The following SRGAP2 variants were observed in gnomAD, a reference collection of about 807,000 sequenced individuals.
SRGAP2 encodes the protein SLIT-ROBO Rho GTPase-activating protein 2.
A neutral mutation model predicts 57.2 loss-of-function variants in SRGAP2; 15 were observed. The ratio of observed to expected loss-of-function variants is 0.26; its 90% CI spans 0.18 to 0.40. The LOEUF is 0.40. Among genes scored for constraint, SRGAP2 ranks in the 10% least tolerant of loss-of-function variants. SRGAP2 has a pLI of 1.00. For synonymous variants in SRGAP2, 249 were observed against 248.0 expected (o/e 1.00, Z -0.04); for missense variants, 520 against 669.6 (o/e 0.78, Z 2.47).
chr1:206,454,811 T>C lies in SRGAP2; in HGVS notation c.2361-67T>C, dbSNP rs1663679358. On this transcript the variant is annotated intron_variant, in intron 20 of 22. Coordinates refer to ENST00000573034, the MANE Select transcript of SRGAP2 (RefSeq NM_015326.5). This position sits in a 1 kb window ranked among gnomAD's most constrained non-coding sequence, Gnocchi z 4.3. Reference sequence around the variant, plus strand: ...GTATGTCGGGGGGCCATCTTGCCGATTTAACGCTGCTTTTTGTGTTGTTGT... The same window carrying C: ...GTATGTCGGGGGGCCATCTTGCCGACTTAACGCTGCTTTTTGTGTTGTTGT... 2 of 697,208 alleles carry C rather than the reference T, an allele frequency of 2.9e-6. No homozygotes were observed. Among genetic ancestry groups the C allele is most frequent in the East Asian group, 5.0e-5 (2 of 40,368 alleles). 43.2% of individuals were successfully genotyped at this position (697,208 alleles called of 1,614,324 possible). A position where few individuals can be genotyped will look rare whatever the true frequency, so the allele number is the denominator to read the frequency against.
chr1:206,333,216 C>T (rs1674507568), intron 3 of SRGAP2: 1 of 606,106 alleles, frequency 1.6e-6, no homozygotes, highest in African/African-American at 1.9e-5. Context: ...CTTCAAAGCT[C>T]AGATGGAAAT....
intron 8 of SRGAP2, among the ~76,000 whole-genome samples, chr1:206,402,581 G>A (rs1658290342): frequency 6.6e-6 from 1 of 152,208 alleles, no homozygotes; most frequent in African/African-American, 2.4e-5. Context: ...TTTAGGAGGA[G>A]GAATTTTACC....
Position 206,222,332 on chromosome 1 carries a change from C to CT in SRGAP2, c.67+16304dup, listed in dbSNP as rs562298155. On this transcript the variant is annotated intron_variant, in intron 2 of 22. Coordinates refer to ENST00000573034, the MANE Select transcript of SRGAP2 (RefSeq NM_015326.5). ...TAGCATGTAGCTTTTTAGGATTGGCCTTTTTTTTTCACTGAGCACAAGTCT... is the reference window on the plus strand; with the variant it reads ...TAGCATGTAGCTTTTTAGGATTGGCCTTTTTTTTTTCACTGAGCACAAGTCT... Among the ~76,000 whole-genome samples, 885 of 149,488 alleles carry CT rather than the reference C, an allele frequency of 5.9e-3. 6 individuals carry two copies. Among genetic ancestry groups the CT allele is most frequent in the African/African-American group, 0.02 (811 of 40,582 alleles).
rs1202304386 is a variant in SRGAP2 at position 206,275,763 on chromosome 1, C to T, written c.68-27518C>T. 4.9e-4 allele frequency among the ~76,000 whole-genome samples: 75 copies of T among 151,922 alleles called. No homozygotes were observed. The East Asian group carries it at 0.012, about 25-fold the overall frequency. On this transcript the variant is annotated intron_variant, in intron 2 of 22. Transcript: ENST00000573034. Reference sequence around the variant, plus strand: ...TCCCAAGTAGCTGAGACTACAGGCACGCATCGCCATGCCCAGCTAATTTTT... The same window carrying T: ...TCCCAAGTAGCTGAGACTACAGGCATGCATCGCCATGCCCAGCTAATTTTT...
At chr1:206,410,890 G>A (rs782404383) in intron 10 of SRGAP2, among the ~76,000 whole-genome samples, 7 of 151,908 alleles carry the variant, frequency 4.6e-5, no homozygotes, top group Non-Finnish European at 5.9e-5. Flanking sequence ...ACCAAGCCTC[G>A]GCTCTTGTTG....
intron 3 of SRGAP2, chr1:206,333,555 G>A: frequency 2.5e-6 from 2 of 815,370 alleles, no homozygotes; most frequent in Non-Finnish European, 4.0e-6. Flanking sequence ...TAAGAGACAG[G>A]TCCTATGTTG....
intron 4 of SRGAP2, among the ~76,000 whole-genome samples, chr1:206,361,563 TTTTAA>T (rs1222604261): frequency 6.6e-6 from 1 of 151,838 alleles, no homozygotes; most frequent in Non-Finnish European, 1.5e-5. Context: ...GACTTTAAGT[TTTTAA>T]TTTAAGAAAA....
intron 3 of SRGAP2, among the ~76,000 whole-genome samples, chr1:206,339,908 G>A (rs1411447372): frequency 2.7e-5 from 4 of 149,562 alleles, no homozygotes; most frequent in African/African-American, 7.5e-5. Flanking sequence ...TCCTGCCTCA[G>A]CCTCCCAAGT....
chr1:206,338,931 A>G (rs1210472835), intron 3 of SRGAP2, among the ~76,000 whole-genome samples: 3 of 151,556 alleles, frequency 2.0e-5, no homozygotes, highest in South Asian at 2.1e-4. Context: ...CTGTCAGTCA[A>G]TGAGAACAAT....
At chr1:206,309,686 T>C (rs1283624917) in intron 3 of SRGAP2, among the ~76,000 whole-genome samples, 1 of 151,954 alleles carries the variant, frequency 6.6e-6, no homozygotes, top group African/African-American at 2.4e-5. Flanking sequence ...GTGATCCTAC[T>C]TTGAACGTTT....
intron 4 of SRGAP2, among the ~76,000 whole-genome samples, chr1:206,357,700 C>A (rs555636681): frequency 6.6e-6 from 1 of 150,634 alleles, no homozygotes; most frequent in Non-Finnish European, 1.5e-5. Context: ...TCTCGTGCCT[C>A]AGCCTCCCGA....
intron 16 of SRGAP2, among the ~76,000 whole-genome samples, chr1:206,439,479 C>T (rs1662072934): frequency 6.6e-6 from 1 of 150,512 alleles, no homozygotes; most frequent in Admixed American, 6.6e-5. Flanking sequence ...CACAGCCTCT[C>T]TTCCCACCGA....
intron 2 of SRGAP2, among the ~76,000 whole-genome samples, chr1:206,226,688 G>T (rs1239233045): frequency 6.6e-6 from 1 of 152,044 alleles, no homozygotes; most frequent in East Asian, 1.9e-4. Flanking sequence ...TGCAACAGAA[G>T]AAAGTGGACC....
intron 2 of SRGAP2, among the ~76,000 whole-genome samples, chr1:206,301,343 T>C (rs1671863291): frequency 6.6e-6 from 1 of 152,042 alleles, no homozygotes; most frequent in Non-Finnish European, 1.5e-5. Context: ...CACTTGGTTC[T>C]TACTGAACGG....
At chr1:206,227,409 C>T (rs74814869) in intron 2 of SRGAP2, among the ~76,000 whole-genome samples, 6,028 of 152,052 alleles carry the variant, frequency 0.04, 136 homozygotes, top group Non-Finnish European at 0.043. Flanking sequence ...AACTGTAGAC[C>T]TTCATATAAG....
At chr1:206,257,694 T>G (rs1669270557) in intron 2 of SRGAP2, among the ~76,000 whole-genome samples, 1 of 126,692 alleles carries the variant, frequency 7.9e-6, no homozygotes, top group Non-Finnish European at 1.7e-5. Context: ...GGAGCTTACA[T>G]TCTAATAGTG....
At chr1:206,341,817 G>A (rs1553335286) in intron 3 of SRGAP2, among the ~76,000 whole-genome samples, 1 of 152,068 alleles carries the variant, frequency 6.6e-6, no homozygotes, top group African/African-American at 2.4e-5. Flanking sequence ...GGTCAACATG[G>A]TGAAAACCCA....
chr1:206,364,491 G>C (rs1458677974), intron 4 of SRGAP2, among the ~76,000 whole-genome samples: 1 of 151,952 alleles, frequency 6.6e-6, no homozygotes, highest in Non-Finnish European at 1.5e-5. Context: ...AGTAGAGACA[G>C]GTTTTCACTA....
At chr1:206,435,585 T>A (rs1661655996) in intron 14 of SRGAP2, among the ~76,000 whole-genome samples, 1 of 152,214 alleles carries the variant, frequency 6.6e-6, no homozygotes, top group South Asian at 2.1e-4. Context: ...GACTGACCAA[T>A]GTGGTTCCAG....
Sources: allele counts gnomAD v4.1 joint callset (sites outside exome capture counted in the v4.1 genomes callset), GRCh38; gene constraint gnomAD v4.1.1; non-coding constraint Gnocchi (gnomAD v3.1); transcripts MANE v1.5; gene names NCBI Gene and HGNC (gene_info 2026-07-23, HGNC 2026-07-21).